SHROOM3: variants seen among roughly 807,000 people sequenced by gnomAD.
SHROOM3 encodes protein Shroom3.
In SHROOM3, 47 loss-of-function variants were observed where a neutral mutation model predicts 138.6. The observed-to-expected ratio is 0.34, with a 90% CI of 0.27 to 0.43. SHROOM3 has a LOEUF of 0.43. SHROOM3 is among the 20% of genes least tolerant of loss of function. SHROOM3 has a pLI of 1.00. For synonymous variants in SHROOM3, 1,062 were observed against 1,063.3 expected, an observed-to-expected ratio of 1.00 and a Z score of 0.02; for missense variants, 2,491 against 2,596.5, an observed-to-expected ratio of 0.96 and a Z score of 0.88.
chr4:76,756,181 T>C (rs766847934), intron 7 of SHROOM3, among the ~76,000 whole-genome samples: 19 of 152,170 alleles, frequency 1.2e-4, no homozygotes, highest in Non-Finnish European at 2.8e-4. Flanking sequence ...TATATATCTA[T>C]GTATGTTTGT....
At chr4:76,566,735 A>G (rs949263534) in intron 2 of SHROOM3, among the ~76,000 whole-genome samples, 1 of 152,236 alleles carries the variant, frequency 6.6e-6, no homozygotes, top group African/African-American at 2.4e-5. Context: ...GCAAAGAGAA[A>G]CACCTGGTTC....
At chr4:76,617,605 A>G (rs1734910507) in intron 2 of SHROOM3, among the ~76,000 whole-genome samples, 1 of 152,214 alleles carries the variant, frequency 6.6e-6, no homozygotes, top group Admixed American at 6.5e-5. Context: ...ATGTATGACT[A>G]CTTCATTGCA....
At chr4:76,631,199 T>TA (rs1735306931) in intron 2 of SHROOM3, among the ~76,000 whole-genome samples, 1 of 126,586 alleles carries the variant, frequency 7.9e-6, no homozygotes, top group Non-Finnish European at 1.6e-5. Flanking sequence ...GACTTTTTTT[T>TA]AATCTTTTTT....
intron 2 of SHROOM3, among the ~76,000 whole-genome samples, chr4:76,614,656 A>AC (rs1348458582): frequency 6.6e-6 from 1 of 152,022 alleles, no homozygotes; most frequent in Non-Finnish European, 1.5e-5. Flanking sequence ...CCACCCACTA[A>AC]CAGGCCCTGA....
intron 2 of SHROOM3, among the ~76,000 whole-genome samples, chr4:76,687,715 C>T (rs563565535): frequency 6.6e-6 from 1 of 152,312 alleles, no homozygotes; most frequent in Non-Finnish European, 1.5e-5. Flanking sequence ...ACAAAGGAAG[C>T]CCAGGGACCT....
rs1465549628 is a variant in SHROOM3 at position 76,523,251 on chromosome 4, A to G, written c.169-32358A>G. Among the ~76,000 whole-genome samples, 8 of 152,142 alleles carry G rather than the reference A, an allele frequency of 5.3e-5. No individual in the cohort carries two copies. In the East Asian group the frequency reaches 1.5e-3, roughly 29 times the overall value. Reference sequence around the variant, plus strand: ...TCTCTGTCTAAACTTCTTTCTTTTTATAAGGACCCCACTTACTGGATTAAG... The same window carrying G: ...TCTCTGTCTAAACTTCTTTCTTTTTGTAAGGACCCCACTTACTGGATTAAG... On this transcript the variant is annotated intron_variant, in intron 1 of 10. Coordinates refer to ENST00000296043, the MANE Select transcript of SHROOM3 (RefSeq NM_020859.4).
intron 3 of SHROOM3, among the ~76,000 whole-genome samples, chr4:76,710,488 A>G (rs980186865): frequency 2.0e-5 from 3 of 152,206 alleles, no homozygotes; most frequent in Non-Finnish European, 2.9e-5. Context: ...GTTTACGCAC[A>G]AGGTTCTAAA....
chr4:76,653,939 G>A (rs1367291831), intron 2 of SHROOM3, among the ~76,000 whole-genome samples: 2 of 152,166 alleles, frequency 1.3e-5, no homozygotes, highest in Non-Finnish European at 2.9e-5. Flanking sequence ...ACAAAGATGA[G>A]TAAGGCATGG....
At chr4:76,610,089 A>G (rs1734730591) in intron 2 of SHROOM3, among the ~76,000 whole-genome samples, 1 of 152,260 alleles carries the variant, frequency 6.6e-6, no homozygotes, top group African/African-American at 2.4e-5. Flanking sequence ...TGAGGATATA[A>G]TCTCAAAGCT....
chr4:76,525,725 T>C (rs1394645513), intron 1 of SHROOM3, among the ~76,000 whole-genome samples: 1 of 152,236 alleles, frequency 6.6e-6, no homozygotes, highest in Admixed American at 6.5e-5. Flanking sequence ...CTTTTAAAAA[T>C]CATTCTTCCA....
At chr4:76,467,551 A>G (rs1014314681) in intron 1 of SHROOM3, among the ~76,000 whole-genome samples, 2 of 152,144 alleles carry the variant, frequency 1.3e-5, no homozygotes, top group Non-Finnish European at 2.9e-5. Context: ...CAGCTAAATA[A>G]TGAAGTACAT....
intron 1 of SHROOM3, among the ~76,000 whole-genome samples, chr4:76,457,414 A>C (rs1731049850): frequency 6.6e-6 from 1 of 151,964 alleles, no homozygotes; most frequent in South Asian, 2.1e-4. Context: ...AAGCTTCCTG[A>C]GGCCTCTGCA....
intron 1 of SHROOM3, among the ~76,000 whole-genome samples, chr4:76,503,004 T>C (rs1732131868): frequency 6.6e-6 from 1 of 152,216 alleles, no homozygotes; most frequent in Admixed American, 6.5e-5. Flanking sequence ...TCTATCTTCT[T>C]GTCTATCCTT....
intron 2 of SHROOM3, among the ~76,000 whole-genome samples, chr4:76,612,410 G>C (rs1270036307): frequency 1.3e-5 from 2 of 152,144 alleles, no homozygotes; most frequent in Non-Finnish European, 2.9e-5. Context: ...GTGTTAGTCA[G>C]TAAGTTTTAA....
chr4:76,692,531 T>A (rs1719585466), intron 2 of SHROOM3, among the ~76,000 whole-genome samples: 1 of 152,128 alleles, frequency 6.6e-6, no homozygotes. Context: ...CCAAGATAGG[T>A]GAAAACAAAT....
intron 1 of SHROOM3, among the ~76,000 whole-genome samples, chr4:76,460,827 C>CAAAAAA (rs58793404): frequency 3.8e-5 from 3 of 78,770 alleles, no homozygotes; most frequent in African/African-American, 8.6e-5. Context: ...CCCGTATCTA[C>CAAAAAA]AAAAAAAAAA....
chr4:76,488,056 G>T (rs1479704246), intron 1 of SHROOM3, among the ~76,000 whole-genome samples: 2 of 152,176 alleles, frequency 1.3e-5, no homozygotes, highest in Non-Finnish European at 2.9e-5. Flanking sequence ...TGAAGAAGCT[G>T]CAGTTGACTT....
rs1336045989 is a variant in SHROOM3 at position 76,603,044 on chromosome 4, A to G, written c.323+47281A>G. On this transcript the variant is annotated intron_variant, in intron 2 of 10. Transcript: ENST00000296043. ...TAAAGATGGACTGATCGATAGACCC[A>G]TTGCAGCTTTCCCAAGTGTAATGTG... Among the ~76,000 whole-genome samples the G allele has an allele frequency of 2.6e-5, 4 of 152,308 alleles. No homozygotes were observed. In the East Asian group the frequency reaches 7.7e-4, roughly 29 times the overall value.
rs555122461 is a variant in SHROOM3, at chr4:76,648,188, C to G, written c.324-61968C>G. On this transcript the variant is annotated intron_variant, in intron 2 of 10. Transcript: ENST00000296043. ...GCAAAAAATTAAAAAATTACCCAGG[C>G]ATGGTGGTGCGTACCTGTGGTCCCA... Among the ~76,000 whole-genome samples, 16 of 151,482 alleles carry G rather than the reference C, an allele frequency of 1.1e-4. No homozygotes were observed. The South Asian group carries it at 1.9e-3, about 18-fold the overall frequency.
Sources: gnomAD v4.1 joint callset for allele counts (sites outside exome capture counted in the v4.1 genomes callset) on GRCh38, gnomAD v4.1.1 for gene constraint, MANE v1.5 for transcripts, NCBI Gene and HGNC (gene_info 2026-07-23, HGNC 2026-07-21) for gene names.